MYZAP: variants seen among roughly 807,000 people sequenced by gnomAD.
MYZAP encodes the protein myocardial zonula adherens protein, also known as GRINL1A complex locus upstream.
MYZAP carries 66 observed loss-of-function variants against 69.4 expected under a neutral mutation model. That is an observed-to-expected ratio of 0.95 (90% confidence interval 0.78 to 1.17). MYZAP has a LOEUF of 1.17. MYZAP is among the 50% of genes most tolerant of loss of function. The pLI is 0.00. For missense variants in MYZAP, 611 were observed against 556.2 expected (o/e 1.10, Z -0.99); for synonymous variants, 256 against 205.9 (o/e 1.24, Z -2.09).
At chr15:57,679,147 T>G (rs1356988472) in intron 12 of MYZAP, among the ~76,000 whole-genome samples, 1 of 151,940 alleles carries the variant, frequency 6.6e-6, no homozygotes, top group Non-Finnish European at 1.5e-5. Context: ...TTGTACTCCA[T>G]CCTGGGCAAC....
At chr15:57,679,384 C>G (rs1469046741) in intron 12 of MYZAP, among the ~76,000 whole-genome samples, 5 of 67,554 alleles carry the variant, frequency 7.4e-5, no homozygotes, top group Non-Finnish European at 1.2e-4. Flanking sequence ...GTTTCTCTCT[C>G]TCTCTCTCTC....
At position 57,591,965 on chromosome 15, in the gene MYZAP, C is replaced by G; in HGVS notation, c.-70C>G. ...CGTCCCGCGTCGCCCCCGCGCAGGG[C>G]GGGCCCCGCACGCTTATTCTGCCCG... On this transcript the variant is annotated 5_prime_UTR_variant, in exon 1 of 13. Transcript: ENST00000267853. 1 of 1,293,278 alleles carries G rather than the reference C, an allele frequency of 7.7e-7. No individual in the cohort carries two copies. The highest frequency in any genetic ancestry group is 1.6e-5 in the African/African-American group (1 of 64,320). 80.1% of individuals were successfully genotyped at this position (1,293,278 alleles called of 1,614,324 possible).
At chr15:57,636,081 T>C (rs1295090377) in intron 8 of MYZAP, among the ~76,000 whole-genome samples, 1 of 152,240 alleles carries the variant, frequency 6.6e-6, no homozygotes, top group Non-Finnish European at 1.5e-5. Context: ...ATTTTAAAAG[T>C]GTGCTGTAAG....
intron 12 of MYZAP, among the ~76,000 whole-genome samples, chr15:57,676,477 T>C (rs1469547705): frequency 6.8e-6 from 1 of 146,798 alleles, no homozygotes; most frequent in East Asian, 2.0e-4. Flanking sequence ...TACATATATA[T>C]AGACTCCGGA....
chr15:57,620,645 C>A (rs80058064), intron 3 of MYZAP, among the ~76,000 whole-genome samples: 3 of 152,174 alleles, frequency 2.0e-5, no homozygotes, highest in Non-Finnish European at 4.4e-5. Context: ...TACTGCCTTG[C>A]GTGTTATTGG....
At chr15:57,600,690 A>G (rs2034353054) in intron 1 of MYZAP, among the ~76,000 whole-genome samples, 1 of 152,232 alleles carries the variant, frequency 6.6e-6, no homozygotes, top group South Asian at 2.1e-4. Context: ...TCTCTGATTC[A>G]TTGACCAAAT....
intron 3 of MYZAP, among the ~76,000 whole-genome samples, chr15:57,618,971 T>A (rs1377893487): frequency 6.6e-6 from 1 of 152,190 alleles, no homozygotes; most frequent in African/African-American, 2.4e-5. Flanking sequence ...GGAGTCAACC[T>A]AGGCCTGTGA....
At chr15:57,633,510 T>A (rs745965511) in intron 7 of MYZAP, 103 bp from the exon 8 acceptor site, 1 of 1,395,052 alleles carries the variant, frequency 7.2e-7, no homozygotes, top group Non-Finnish European at 9.4e-7. Flanking sequence ...AAGGTCATGT[T>A]TTAAAGAGAA....
intron 10 of MYZAP, chr15:57,646,859 A>C (rs1292743864): frequency 1.0e-6 from 1 of 985,344 alleles, no homozygotes; most frequent in African/African-American, 1.7e-5. Flanking sequence ...AGAGAAATCT[A>C]TCTGGCTGAA....
At chr15:57,664,180 T>A (rs1349992872) in intron 11 of MYZAP, among the ~76,000 whole-genome samples, 1 of 152,004 alleles carries the variant, frequency 6.6e-6, no homozygotes, top group African/African-American at 2.4e-5. Context: ...ATCTTTGAGA[T>A]CCAAAAGAGA....
rs1200715542 is a variant in MYZAP at position 57,640,336 on chromosome 15, A to G, written c.1119+791A>G. 2.6e-5 allele frequency among the ~76,000 whole-genome samples: 4 copies of G among 152,182 alleles called. No homozygotes were observed. In the East Asian group the frequency reaches 5.8e-4, roughly 22 times the overall value. On this transcript the variant is annotated intron_variant, in intron 10 of 12. Transcript: ENST00000267853. ...TCTTCTTGCTCAATTAAAAAATCCG[A>G]TTGAAAAATCTGATAGAAAAAGAGC...
chr15:57,632,180 A>G (rs972528453), intron 6 of MYZAP, among the ~76,000 whole-genome samples: 19 of 152,226 alleles, frequency 1.2e-4, no homozygotes, highest in Non-Finnish European at 2.5e-4. Flanking sequence ...CTTTTGAAAA[A>G]GTCACTCATG....
chr15:57,681,163 G>C (rs2039420663), intron 12 of MYZAP, among the ~76,000 whole-genome samples: 1 of 152,168 alleles, frequency 6.6e-6, no homozygotes. Flanking sequence ...GACTGTTTCT[G>C]TTATGCAGAA....
intron 2 of MYZAP, among the ~76,000 whole-genome samples, chr15:57,611,791 A>G (rs192415168): frequency 1.6e-3 from 240 of 152,264 alleles, no homozygotes; most frequent in African/African-American, 5.7e-3. Context: ...AGCAGTGGCT[A>G]TTCCCAGGTG....
chr15:57,627,564 T>G (rs2036233974), intron 5 of MYZAP, among the ~76,000 whole-genome samples: 1 of 152,086 alleles, frequency 6.6e-6, no homozygotes, highest in African/African-American at 2.4e-5. Context: ...GAGAGCTGGC[T>G]TCTTCCTTAT....
At chr15:57,603,215 A>T (rs1048409188) in intron 1 of MYZAP, among the ~76,000 whole-genome samples, 2 of 152,200 alleles carry the variant, frequency 1.3e-5, no homozygotes, top group Non-Finnish European at 2.9e-5. Flanking sequence ...AAGGAGTCAG[A>T]TGTCTTACCA....
intron 3 of MYZAP, among the ~76,000 whole-genome samples, chr15:57,620,798 C>G (rs1309752039): frequency 6.6e-6 from 1 of 152,016 alleles, no homozygotes; most frequent in East Asian, 1.9e-4. Context: ...TTTCTTTGGT[C>G]CTCTTAGCCA....
chr15:57,607,560 C>T (rs1294062058), intron 2 of MYZAP, among the ~76,000 whole-genome samples: 1 of 152,178 alleles, frequency 6.6e-6, no homozygotes, highest in East Asian at 1.9e-4. Flanking sequence ...CTTTACCCCT[C>T]AGCCCCCAGA....
chr15:57,677,039 T>G (rs1045080540), intron 12 of MYZAP, among the ~76,000 whole-genome samples: 3 of 152,202 alleles, frequency 2.0e-5, no homozygotes, highest in Non-Finnish European at 4.4e-5. Context: ...CAAATATTTA[T>G]TAAGTGCCTA....
Sources: gnomAD v4.1 joint callset for allele counts (sites outside exome capture counted in the v4.1 genomes callset) on GRCh38, gnomAD v4.1.1 for gene constraint, MANE v1.5 for transcripts, NCBI Gene and HGNC (gene_info 2026-07-23, HGNC 2026-07-21) for gene names.